SPOCK2: variants seen among roughly 807,000 people sequenced by gnomAD.
SPOCK2 encodes the protein SPARC (osteonectin), cwcv and kazal like domains proteoglycan 2.
Under a neutral mutation model 60.1 loss-of-function variants are expected in SPOCK2, and 39 were observed. The observed-to-expected ratio is 0.65, with a 90% CI of 0.50 to 0.85. The LOEUF (loss-of-function observed/expected upper bound fraction) is 0.85, where lower values mean the gene tolerates loss of function less well. Ranked by LOEUF, SPOCK2 falls within the 40% of genes least tolerant of loss-of-function variation. The pLI is 0.00. For synonymous variants in SPOCK2, 217 were observed against 231.5 expected (o/e 0.94, Z 0.57); for missense variants, 523 against 567.4 (o/e 0.92, Z 0.80).
At position 72,062,011 on chromosome 10, in the gene SPOCK2, C is replaced by CT. The variant is rs969791069; in HGVS notation, c.*748dup. The stretch of plus-strand genomic sequence containing the variant: ...CACCCTGTCCCTGGCCTCTCAGCTG[C>CT]TGCCCTCCTCCTCTGCCGCCACCAC... On this transcript the variant is annotated 3_prime_UTR_variant, in exon 11 of 11. Coordinates refer to ENST00000373109, the MANE Select transcript of SPOCK2 (RefSeq NM_001244950.2). The surrounding 1 kb of genome is among the most constrained non-coding windows in gnomAD (Gnocchi z 4.3). 3 of 153,820 alleles carry CT rather than the reference C, an allele frequency of 2.0e-5. No homozygotes were observed. Among genetic ancestry groups the CT allele is most frequent in the African/African-American group, 7.2e-5 (3 of 41,492 alleles). The allele number at this position is 153,820 out of a possible 1,614,324, so 9.5% of individuals were successfully genotyped here. A position where few individuals can be genotyped will look rare whatever the true frequency, so the allele number is the denominator to read the frequency against.
intron 9 of SPOCK2, among the ~76,000 whole-genome samples, 184 bp from the exon 10 acceptor site, chr10:72,063,346 G>A (rs188982693): frequency 8.5e-5 from 13 of 152,272 alleles, no homozygotes; most frequent in East Asian, 1.9e-4. Context: ...CAATTCTTTC[G>A]GCTCTACTCG....
chr10:72,063,044 C>A lies in SPOCK2; in HGVS notation c.1110G>T (p.Thr370=), dbSNP rs199960855. ...CCGTACCGCAGTCGGGGCTCCCATG[C>A]GTGCGCGTGCCAGTCAGCTCCAGGC... ...QLGLELTGTR[T]HGSPDCDDIV... The change falls in exon 10 of 11, where the codon ACG becomes ACT. Residue 370 remains threonine, a synonymous_variant. Transcript: ENST00000373109. 2 of 1,553,788 alleles carry A rather than the reference C, an allele frequency of 1.3e-6. No homozygotes were observed. The highest frequency in any genetic ancestry group is 1.4e-5 in the African/African-American group (1 of 73,264).
At chr10:72,078,901 C>T (rs1840750140) in intron 1 of SPOCK2, among the ~76,000 whole-genome samples, 2 of 152,326 alleles carry the variant, frequency 1.3e-5, no homozygotes, top group Admixed American at 1.3e-4. Context: ...AGTTAAATAG[C>T]CAGTTCCTTG....
chr10:72,067,555 G>C, intron 7 of SPOCK2, 58 bp downstream of exon 7: 1 of 1,603,676 alleles, frequency 6.2e-7, no homozygotes, highest in Non-Finnish European at 8.5e-7. Flanking sequence ...ATACACCTGT[G>C]TCCTCAGCCC....
Position 72,066,943 on chromosome 10 carries a change from C to T in SPOCK2, c.887G>A (p.Arg296Gln), listed in dbSNP as rs956524922. ...FNSCDTYKDGRVSTAEWCFCF... is the reference protein window; with the variant it reads ...FNSCDTYKDGQVSTAEWCFCF... ...GAAGCACCACTCAGCAGTAGAGACC[C>T]GGCCATCCTTGTAGGTGTCACAGGA... The change falls in exon 8 of 11, where the codon CGG (arginine) becomes CAG (glutamine). Residue 296 changes from arginine to glutamine, a missense_variant. Transcript: ENST00000373109. 5.6e-6 allele frequency: 9 copies of T among 1,614,186 alleles called. No homozygotes were observed. Among genetic ancestry groups the T allele is most frequent in the South Asian group, 2.2e-5 (2 of 91,078 alleles).
intron 1 of SPOCK2, among the ~76,000 whole-genome samples, chr10:72,077,122 A>C (rs893525325): frequency 1.4e-4 from 22 of 151,894 alleles, no homozygotes; most frequent in African/African-American, 5.3e-4. Flanking sequence ...GGAGCTCTTT[A>C]TTTTTATTTA....
intron 8 of SPOCK2, among the ~76,000 whole-genome samples, chr10:72,065,934 G>A (rs983944193): frequency 7.2e-5 from 11 of 152,258 alleles, no homozygotes; most frequent in East Asian, 3.9e-4. Context: ...GTCACTTGCC[G>A]GGGGTCCCTG....
rs371673611 is a variant in SPOCK2, at chr10:72,068,225, G to C, written c.551C>G (p.Thr184Arg). ...GGCGGTGGAGGTGGCAGCCTGCTCCGTGGGGCAGGGGCAGGGGCCCTCGCA... is the reference window on the plus strand; with the variant it reads ...GGCGGTGGAGGTGGCAGCCTGCTCCCTGGGGCAGGGGCAGGGGCCCTCGCA... ...VRCEGPCPCP[T>R]EQAATSTADG... The change falls in exon 6 of 11, where the codon ACG becomes AGG. Residue 184 changes from threonine to arginine, a missense_variant. By Grantham distance (71) the Thr-to-Arg change is moderately conservative. Coordinates refer to ENST00000373109, the MANE Select transcript of SPOCK2 (RefSeq NM_001244950.2). 2 of 1,610,668 alleles carry C rather than the reference G, an allele frequency of 1.2e-6. No homozygotes were observed. Among genetic ancestry groups the C allele is most frequent in the Non-Finnish European group, 8.5e-7 (1 of 1,178,570 alleles).
Position 72,063,145 on chromosome 10 carries a change from A to G in SPOCK2, c.1009T>C (p.Cys337Arg), listed in dbSNP as rs547433492. 2 of 1,556,976 alleles carry G rather than the reference A, an allele frequency of 1.3e-6. No individual in the cohort carries two copies. The highest frequency in any genetic ancestry group is 2.4e-5 in the East Asian group (1 of 41,246). Residue 337 changes from cysteine (C) to arginine (R), a missense_variant, in exon 10 of 11, where the codon TGC becomes CGC. Coordinates refer to ENST00000373109, the MANE Select transcript of SPOCK2 (RefSeq NM_001244950.2). ...KKKPGIFIPS[C>R]DEDGYYRKMQ... ...TTCCGGTAGTAGCCATCCTCGTCGC[A>G]GCTCGGGATGAAGATGCCTGAATGA... is the stretch of plus-strand genomic sequence containing the variant.
intron 1 of SPOCK2, 129 bp downstream of exon 1, chr10:72,088,011 C>T: frequency 8.3e-7 from 1 of 1,201,224 alleles, no homozygotes; most frequent in Non-Finnish European, 1.2e-6. Flanking sequence ...TGTTTACTTT[C>T]CGTGTAATTA....
At chr10:72,080,613 T>G (rs1589124895) in intron 1 of SPOCK2, among the ~76,000 whole-genome samples, 1 of 144,950 alleles carries the variant, frequency 6.9e-6, no homozygotes, top group African/African-American at 2.6e-5. Context: ...GGGGTGGGGG[T>G]GGCTGGGAAG....
chr10:72,067,542 A>G (rs1357823860), intron 7 of SPOCK2, 71 bp downstream of exon 7: 2 of 1,593,290 alleles, frequency 1.3e-6, no homozygotes, highest in African/African-American at 2.7e-5. Context: ...AGACTGGCCC[A>G]GCATACACCT....
chr10:72,069,632 A>AT (rs1209956877), intron 5 of SPOCK2, among the ~76,000 whole-genome samples: 2 of 151,700 alleles, frequency 1.3e-5, no homozygotes, highest in Non-Finnish European at 2.9e-5. Context: ...TAATTTTTGT[A>AT]TTTTTTGTAG....
At chr10:72,072,641 G>A (rs933602758) in intron 2 of SPOCK2, 93 bp from the exon 3 acceptor site, 15 of 1,564,074 alleles carry the variant, frequency 9.6e-6, no homozygotes, top group East Asian at 6.8e-5. Context: ...CTGGGCCAGC[G>A]ATGTCATGTG....
chr10:72,066,091 C>T (rs188648178), intron 8 of SPOCK2, among the ~76,000 whole-genome samples: 2 of 152,196 alleles, frequency 1.3e-5, no homozygotes, highest in Admixed American at 6.5e-5. Context: ...CTCCATTTTC[C>T]GAGATGACTC....
intron 7 of SPOCK2, 104 bp downstream of exon 7, chr10:72,067,509 G>T: frequency 6.4e-7 from 1 of 1,554,246 alleles, no homozygotes. Context: ...AGGGCCCAGA[G>T]TCTGGCAGGA....
chr10:72,068,376 G>A (rs1840600905), intron 5 of SPOCK2, 75 bp from the exon 6 acceptor site: 2 of 1,427,736 alleles, frequency 1.4e-6, no homozygotes, highest in Admixed American at 2.4e-5. Flanking sequence ...ACACCCTCAA[G>A]CCTCTCATGG....
At chr10:72,077,223 C>T (rs1277617106) in intron 1 of SPOCK2, among the ~76,000 whole-genome samples, 1 of 152,126 alleles carries the variant, frequency 6.6e-6, no homozygotes, top group African/African-American at 2.4e-5. Flanking sequence ...CAGGCTCAAG[C>T]GATCCTCCCA....
chr10:72,070,147 C>T, intron 5 of SPOCK2, 165 bp downstream of exon 5: 1 of 609,588 alleles, frequency 1.6e-6, no homozygotes, highest in Non-Finnish European at 2.8e-6. Context: ...GCCAGGGCTG[C>T]AGGTGGCCCC....
Sources: allele counts gnomAD v4.1 joint callset (sites outside exome capture counted in the v4.1 genomes callset), GRCh38; gene constraint gnomAD v4.1.1; non-coding constraint Gnocchi (gnomAD v3.1); transcripts MANE v1.5; gene names NCBI Gene and HGNC (gene_info 2026-07-23, HGNC 2026-07-21).